RANBP1: variants seen among roughly 807,000 people sequenced by gnomAD.
RANBP1 encodes ran-specific GTPase-activating protein.
RANBP1 carries 16 observed loss-of-function variants against 31.4 expected under a neutral mutation model. The ratio of observed to expected loss-of-function variants is 0.51; its 90% CI spans 0.34 to 0.77. The LOEUF (loss-of-function observed/expected upper bound fraction) is 0.77. Among genes scored for constraint, RANBP1 ranks in the 30% least tolerant of loss-of-function variants. The pLI, the probability that RANBP1 is intolerant of heterozygous loss-of-function variation, is 0.01. For missense variants in RANBP1, 265 were observed against 362.0 expected (o/e 0.73, Z 2.17); for synonymous variants, 129 against 140.5 (o/e 0.92, Z 0.58).
rs774800151 is a variant in RANBP1, at chr22:20,116,288, G to A, written c.104G>A (p.Arg35Gln). ...RRALSLSAALRNVTKAQGGCP... is the reference protein window; with the variant it reads ...RRALSLSAALQNVTKAQGGCP... ...GCCTTGTCCCTCTCTGCAGCGCTGC[G>A]GAATGTCACAAAGGCGCAGGGTGGT... The change falls in exon 1 of 6, where the codon CGG becomes CAG. Residue 35 changes from arginine (R) to glutamine (Q), a missense_variant. Arg to Gln is a conservative substitution (Grantham distance 43). Around this residue, in one of 3 missense-constraint regions of RANBP1, gnomAD observed 126 missense variants for 123.6 expected, o/e 1.02. Coordinates refer to ENST00000430524, the MANE Select transcript of RANBP1 (RefSeq NM_001278639.2). 4 of 1,612,846 alleles carry A rather than the reference G, an allele frequency of 2.5e-6. No individual in the cohort carries two copies. The highest frequency in any genetic ancestry group is 2.2e-5 in the East Asian group (1 of 44,892).
intron 5 of RANBP1, 156 bp downstream of exon 5, chr22:20,126,524 G>A (rs1278909298): frequency 6.3e-7 from 1 of 1,582,478 alleles, no homozygotes; most frequent in Admixed American, 1.8e-5. Context: ...TGGGGACACA[G>A]GTGCTTCCTG....
At position 20,119,664 on chromosome 22, in the gene RANBP1, C is replaced by T. The variant is rs147911797; in HGVS notation, c.383+515C>T. 6.6e-3 allele frequency: 1,031 copies of T among 156,758 alleles called. 3 individuals carry two copies. The highest frequency in any genetic ancestry group is 0.017 in the Middle Eastern group (5 of 300). The allele number at this position is 156,758 out of a possible 1,614,324, so 9.7% of individuals were successfully genotyped here. On this transcript the variant is annotated intron_variant, in intron 2 of 5. Transcript: ENST00000430524. ...TGCCTCAGCTGGAACTACAGGCACC[C>T]GCCACCACGCCCAGCTAATTTTTTG...
Position 20,125,160 on chromosome 22 carries a change from T to TCTAA in RANBP1, c.542-147_542-144dup, listed in dbSNP as rs1474927525. ...AAAACTCAGGCGCCGTGGTACTTTG[T>TCTAA]CTAAGCCTGGTTCTCCAACCCCAGA... On this transcript the variant is annotated intron_variant, in intron 3 of 5. Coordinates refer to ENST00000430524, the MANE Select transcript of RANBP1 (RefSeq NM_001278639.2). 3.6e-6 allele frequency: 3 copies of TCTAA among 836,102 alleles called. No homozygotes were observed. In the Admixed American group the frequency reaches 7.8e-5, roughly 22 times the overall value. 51.8% of individuals were successfully genotyped at this position (836,102 alleles called of 1,614,324 possible).
chr22:20,117,558 G>A (rs1195610729), intron 1 of RANBP1: 36 of 1,410,584 alleles, frequency 2.6e-5, no homozygotes, highest in South Asian at 1.9e-4. Context: ...GCCGGCGCCA[G>A]ACGCGGAGGG....
intron 1 of RANBP1, among the ~76,000 whole-genome samples, 198 bp from the exon 2 acceptor site, chr22:20,118,815 G>C (rs867130440): frequency 2.0e-5 from 3 of 152,220 alleles, no homozygotes; most frequent in Admixed American, 2.0e-4. Flanking sequence ...CTCACTCTGT[G>C]CTCACATGGA....
At chr22:20,117,753 C>T in intron 1 of RANBP1, 3 of 1,077,242 alleles carry the variant, frequency 2.8e-6, no homozygotes, top group Non-Finnish European at 3.4e-6. Flanking sequence ...CCGCCGCCAC[C>T]AACCTCCGCC....
intron 1 of RANBP1, chr22:20,117,232 T>C: frequency 3.8e-6 from 2 of 528,272 alleles, no homozygotes; most frequent in South Asian, 7.0e-5. Context: ...TCTATGATCC[T>C]GGCTTCTGGC....
In RANBP1 at chr22:20,117,575, C is replaced by G. The variant is rs1024997125; in HGVS notation, c.246+1145C>G. 7.3e-5 allele frequency: 103 copies of G among 1,410,022 alleles called. No homozygotes were observed. In the African/African-American group the frequency reaches 1.4e-3, roughly 19 times the overall value. The allele number at this position is 1,410,022 out of a possible 1,614,324, so 87.3% of individuals were successfully genotyped here. On this transcript the variant is annotated intron_variant, in intron 1 of 5. Transcript: ENST00000430524. ...CGGCGCCAGACGCGGAGGGAAGGAG[C>G]TACGAGTAGCCGCCGAGAGGCCGCG... is the stretch of plus-strand genomic sequence containing the variant.
intron 2 of RANBP1, 183 bp downstream of exon 2, chr22:20,119,332 CTTGCTGCCCTGCAGCCAGT>C (rs2050125371): frequency 1.6e-6 from 1 of 610,498 alleles, no homozygotes; most frequent in Non-Finnish European, 2.9e-6. Flanking sequence ...ACCAGATGCC[CTTGCTGCCCTGCAGCCAGT>C]TGCATGAAGG....
At position 20,127,190 on chromosome 22, in the gene RANBP1, G is replaced by A; in HGVS notation, c.*138G>A. ...TATAAAGAACTGAACTCAACATTCAGGTTGTTTTTTTTTTTTGTTTCTAAG... is the reference window on the plus strand; with the variant it reads ...TATAAAGAACTGAACTCAACATTCAAGTTGTTTTTTTTTTTTGTTTCTAAG... On this transcript the variant is annotated 3_prime_UTR_variant, in exon 6 of 6. Coordinates refer to ENST00000430524, the MANE Select transcript of RANBP1 (RefSeq NM_001278639.2). The A allele has an allele frequency of 1.6e-6, 1 of 639,472 alleles. No homozygotes were observed. The highest frequency in any genetic ancestry group is 2.4e-6 in the Non-Finnish European group (1 of 417,058). 39.6% of individuals were successfully genotyped at this position (639,472 alleles called of 1,614,324 possible). A position where few individuals can be genotyped will look rare whatever the true frequency, so the allele number is the denominator to read the frequency against.
At chr22:20,126,026 C>T (rs2050289047) in intron 4 of RANBP1, among the ~76,000 whole-genome samples, 1 of 152,274 alleles carries the variant, frequency 6.6e-6, no homozygotes, top group Non-Finnish European at 1.5e-5. Flanking sequence ...GTGGCTGCCC[C>T]AGCAGCCTTT....
At chr22:20,123,983 G>A (rs2050243645) in intron 3 of RANBP1, among the ~76,000 whole-genome samples, 1 of 152,074 alleles carries the variant, frequency 6.6e-6, no homozygotes, top group African/African-American at 2.4e-5. Flanking sequence ...GCGATGCAGA[G>A]GGGTGGGTGG....
At chr22:20,116,696 C>G (rs1260340931) in intron 1 of RANBP1, 2 of 1,471,538 alleles carry the variant, frequency 1.4e-6, no homozygotes, top group African/African-American at 2.8e-5. Context: ...GACACCCAGA[C>G]CTCCGTCGGT....
At position 20,127,152 on chromosome 22, in the gene RANBP1, A is replaced by T. The variant is rs1956106071; in HGVS notation, c.*100A>T. On this transcript the variant is annotated 3_prime_UTR_variant, in exon 6 of 6. Transcript: ENST00000430524. ...GGTTTGTTTTTATTCTTTCATTTTT[A>T]CAAGGGACGTTATATAAAGAACTGA... 2.0e-6 allele frequency: 2 copies of T among 982,656 alleles called. No homozygotes were observed. The highest frequency in any genetic ancestry group is 5.8e-5 in the East Asian group (2 of 34,268). The allele number at this position is 982,656 out of a possible 1,614,324, so 60.9% of individuals were successfully genotyped here.
Position 20,116,289 on chromosome 22 carries a change from G to A in RANBP1, c.105G>A (p.Arg35=). ...CCTTGTCCCTCTCTGCAGCGCTGCG[G>A]AATGTCACAAAGGCGCAGGGTGGTT... The part of the protein sequence containing the change: ...RRALSLSAAL[R]NVTKAQGGCP... The change falls in exon 1 of 6, where the codon CGG becomes CGA. Residue 35 remains arginine (R), a synonymous_variant. Coordinates refer to ENST00000430524, the MANE Select transcript of RANBP1 (RefSeq NM_001278639.2). 1 of 1,612,976 alleles carries A rather than the reference G, an allele frequency of 6.2e-7. No individual in the cohort carries two copies. The highest frequency in any genetic ancestry group is 2.2e-5 in the East Asian group (1 of 44,882).
At chr22:20,123,141 G>C (rs1461906211) in intron 3 of RANBP1, among the ~76,000 whole-genome samples, 1 of 137,138 alleles carries the variant, frequency 7.3e-6, no homozygotes, top group African/African-American at 2.8e-5. Context: ...TGGTCTGGGG[G>C]GCTGTGTGGT....
chr22:20,117,516 G>GGGGCGGAGGGAAGAGC, intron 1 of RANBP1: 1 of 1,325,478 alleles, frequency 7.5e-7, no homozygotes, highest in Non-Finnish European at 9.6e-7. Context: ...TTCGGGTCGT[G>GGGGCGGAGGGAAGAGC]GGGCGGAGGG....
intron 3 of RANBP1, among the ~76,000 whole-genome samples, chr22:20,123,082 T>C: frequency 1.2e-5 from 1 of 83,464 alleles, no homozygotes; most frequent in Non-Finnish European, 2.3e-5. Context: ...GTTTGGTGTT[T>C]GGGGTGTGTA....
chr22:20,117,438 T>C lies in RANBP1; in HGVS notation c.246+1008T>C. ...CCGGACAATGAGAGTGTCCGCCTCC[T>C]GAGCCAATAAAGCTGTACTGGTTTT... On this transcript the variant is annotated intron_variant, in intron 1 of 5. Transcript: ENST00000430524. 4 of 1,191,686 alleles carry C rather than the reference T, an allele frequency of 3.4e-6. No homozygotes were observed. The South Asian group carries it at 1.2e-4, about 35-fold the overall frequency. 73.8% of individuals were successfully genotyped at this position (1,191,686 alleles called of 1,614,324 possible).
Sources: allele counts gnomAD v4.1 joint callset (sites outside exome capture counted in the v4.1 genomes callset), GRCh38; gene constraint gnomAD v4.1.1; regional missense constraint gnomAD v4.1.1; transcripts MANE v1.5; gene names NCBI Gene and HGNC (gene_info 2026-07-23, HGNC 2026-07-21).